IMPACT: variants seen among roughly 807,000 people sequenced by gnomAD.
The protein encoded by IMPACT is impact RWD domain protein, also known as protein IMPACT.
In IMPACT, 35 loss-of-function variants were observed where a neutral mutation model predicts 47.5. The ratio of observed to expected loss-of-function variants is 0.74; its 90% CI spans 0.56 to 0.98. The LOEUF is 0.98. Among genes scored for constraint, IMPACT ranks in the 50% least tolerant of loss-of-function variants. IMPACT has a pLI of 0.00. For synonymous variants in IMPACT, 118 were observed against 125.6 expected, an observed-to-expected ratio of 0.94 and a Z score of 0.40; for missense variants, 373 against 394.8, an observed-to-expected ratio of 0.94 and a Z score of 0.47.
chr18:24,442,353 C>T (rs1453072191), intron 6 of IMPACT, among the ~76,000 whole-genome samples: 2 of 152,078 alleles, frequency 1.3e-5, no homozygotes, highest in Admixed American at 1.3e-4. Context: ...GGGGTTTCAC[C>T]ATGTTGGCCA....
At position 24,428,904 on chromosome 18, in the gene IMPACT, A is replaced by G; in HGVS notation, c.201A>G (p.Pro67=). 1.9e-6 allele frequency: 3 copies of G among 1,610,186 alleles called. No homozygotes were observed. The highest frequency in any genetic ancestry group is 1.7e-6 in the Non-Finnish European group (2 of 1,177,510). Residue 67 remains proline (P), a synonymous_variant, in exon 3 of 11, where the codon CCA becomes CCG. Coordinates refer to ENST00000284202, the MANE Select transcript of IMPACT (RefSeq NM_018439.4). The part of the protein sequence containing the change: ...MLPNEYPGTA[P]PIYQLNAPWL... ...CGAATGAATACCCAGGTACAGCTCC[A>G]CCTATCTACCAGTTGAAGTAAGCTG...
At chr18:24,446,677 C>T (rs1253379862) in intron 8 of IMPACT, among the ~76,000 whole-genome samples, 1 of 152,144 alleles carries the variant, frequency 6.6e-6, no homozygotes, top group Non-Finnish European at 1.5e-5. Flanking sequence ...TTACTAATTT[C>T]ACATCTCTTT....
rs1164402384 is a variant in IMPACT at position 24,434,776 on chromosome 18, A to AAAATATATATAT, written c.282-3178_282-3177insAATATATATATA. 1.1e-4 allele frequency among the ~76,000 whole-genome samples: 12 copies of AAAATATATATAT among 113,996 alleles called. No homozygotes were observed. The East Asian group carries it at 2.7e-3, about 26-fold the overall frequency. 74.8% of individuals were successfully genotyped at this position (113,996 alleles called of 152,430 possible). On this transcript the variant is annotated intron_variant, in intron 4 of 10. Transcript: ENST00000284202. ...AAAACTCTGTCTCAAAAAAAAAAAA[A>AAAATATATATAT]ATATATATATATATATATATGTGTG...
At chr18:24,444,161 C>T (rs1258246945) in intron 7 of IMPACT, among the ~76,000 whole-genome samples, 2 of 152,174 alleles carry the variant, frequency 1.3e-5, no homozygotes, top group South Asian at 2.1e-4. Context: ...TTGTCCCTGG[C>T]CCTTAGTCAC....
At chr18:24,434,776 A>AAT (rs1555666476) in intron 4 of IMPACT, among the ~76,000 whole-genome samples, 1,218 of 113,982 alleles carry the variant, frequency 0.011, 72 homozygotes, top group African/African-American at 0.048. Flanking sequence ...AAAAAAAAAA[A>AAT]ATATATATAT....
intron 4 of IMPACT, among the ~76,000 whole-genome samples, chr18:24,432,317 A>G (rs1231381830): frequency 6.6e-6 from 1 of 152,214 alleles, no homozygotes; most frequent in East Asian, 1.9e-4. Flanking sequence ...TAGTAAAACA[A>G]ATAATGTTCT....
rs140866439 is a variant in IMPACT, at chr18:24,440,561, T to C, written c.433T>C (p.Cys145Arg). 91 of 1,613,286 alleles carry C rather than the reference T, an allele frequency of 5.6e-5. No homozygotes were observed. The Middle Eastern group carries it at 1.5e-3, about 26-fold the overall frequency. ...ATGTGAAGATGATCTCATTTTAGCATGTCAGCCGGAAAGTTCGCTTAAAGC... is the reference window on the plus strand; with the variant it reads ...ATGTGAAGATGATCTCATTTTAGCACGTCAGCCGGAAAGTTCGCTTAAAGC... ...VECEDDLILA[C>R]QPESSLKALD... The change falls in exon 6 of 11, where the codon TGT (cysteine) becomes CGT (arginine). Residue 145 changes from cysteine (C) to arginine (R), a missense_variant. Coordinates refer to ENST00000284202, the MANE Select transcript of IMPACT (RefSeq NM_018439.4).
At chr18:24,441,399 G>T (rs1327806936) in intron 6 of IMPACT, among the ~76,000 whole-genome samples, 2 of 152,158 alleles carry the variant, frequency 1.3e-5, no homozygotes, top group Non-Finnish European at 2.9e-5. Context: ...CGCCATGTTG[G>T]CCAGGCTGAC....
chr18:24,439,270 C>G (rs982233847), intron 5 of IMPACT, among the ~76,000 whole-genome samples: 4 of 152,106 alleles, frequency 2.6e-5, no homozygotes, highest in Admixed American at 2.6e-4. Context: ...GTGGCTTGCA[C>G]CTATAATCCC....
At chr18:24,428,086 C>T (rs1908661085) in intron 2 of IMPACT, 39 bp downstream of exon 2, 1 of 1,537,284 alleles carries the variant, frequency 6.5e-7, no homozygotes, top group Non-Finnish European at 8.8e-7. Context: ...CTTTCAGTTA[C>T]AGTATGAACT....
chr18:24,448,165 T>G lies in IMPACT; in HGVS notation c.741T>G (p.Arg247=), dbSNP rs1398587768. The G allele has an allele frequency of 1.9e-6, 3 of 1,612,476 alleles. No homozygotes were observed. Among genetic ancestry groups the G allele is most frequent in the Non-Finnish European group, 2.5e-6 (3 of 1,178,582 alleles). ...ATGGGGAAACAGCAGCTGGTGGGCG[T>G]CTTCTTCATCTCATGGAGGTAGGTG... ...EDDGETAAGG[R]LLHLMEILNV... is the part of the protein sequence containing the mutation. Residue 247 remains arginine, a synonymous_variant, in exon 9 of 11, where the codon CGT becomes CGG. Transcript: ENST00000284202.
chr18:24,442,997 A>G (rs918006762), intron 6 of IMPACT, 52 bp from the exon 7 acceptor site: 2 of 923,638 alleles, frequency 2.2e-6, no homozygotes, highest in African/African-American at 1.7e-5. Context: ...CATTTTTTTC[A>G]GTATTTGAAT....
At chr18:24,443,716 C>G (rs1909176328) in intron 7 of IMPACT, among the ~76,000 whole-genome samples, 2 of 152,194 alleles carry the variant, frequency 1.3e-5, no homozygotes, top group Admixed American at 1.3e-4. Context: ...ACCTGACTTA[C>G]TTTCCTTTGT....
At chr18:24,435,521 G>A (rs1172157517) in intron 4 of IMPACT, 1 of 152,170 alleles carries the variant, frequency 6.6e-6, no homozygotes, top group Non-Finnish European at 1.5e-5. Flanking sequence ...ATCATGGCAT[G>A]TTAGGTTTTA....
At chr18:24,446,389 C>T (rs572988346) in intron 8 of IMPACT, among the ~76,000 whole-genome samples, 1 of 152,106 alleles carries the variant, frequency 6.6e-6, no homozygotes, top group Non-Finnish European at 1.5e-5. Context: ...CTCCTGTAAG[C>T]AGTGAATTAA....
rs1335454852 is a variant in IMPACT at position 24,451,719 on chromosome 18, GAT to G, written c.*874_*875del. 1 of 152,222 alleles carries G rather than the reference GAT, an allele frequency of 6.6e-6. No homozygotes were observed. Among genetic ancestry groups the G allele is most frequent in the Non-Finnish European group, 1.5e-5 (1 of 68,056 alleles). The allele number at this position is 152,222 out of a possible 1,614,324, so 9.4% of individuals were successfully genotyped here. Reference sequence around the variant, plus strand: ...GGCAAATGGGACATTCGTAGAGTGGGATAGAGGTGGCAGAATGAACCTGGTGT... The same window carrying G: ...GGCAAATGGGACATTCGTAGAGTGGGAGAGGTGGCAGAATGAACCTGGTGT... On this transcript the variant is annotated 3_prime_UTR_variant, in exon 11 of 11. Transcript: ENST00000284202.
intron 4 of IMPACT, among the ~76,000 whole-genome samples, chr18:24,432,898 T>C (rs1165575123): frequency 2.0e-5 from 3 of 152,150 alleles, no homozygotes; most frequent in African/African-American, 4.8e-5. Flanking sequence ...TTCTTACCCA[T>C]GTACAATGTC....
In IMPACT at chr18:24,433,694, C is replaced by T. The variant is rs9963542; in HGVS notation, c.281+3310C>T. ...TTTTTTTTTTTTTTTTTTCTGAGACCGAGTCTTGCTCTGTTGCCCAGGCTG... is the reference window on the plus strand; with the variant it reads ...TTTTTTTTTTTTTTTTTTCTGAGACTGAGTCTTGCTCTGTTGCCCAGGCTG... On this transcript the variant is annotated intron_variant, in intron 4 of 10. Transcript: ENST00000284202. Among the ~76,000 whole-genome samples, 1,074 of 138,524 alleles carry T rather than the reference C, an allele frequency of 7.8e-3. 15 individuals are homozygous for T. Among genetic ancestry groups the T allele is most frequent in the African/African-American group, 0.027 (982 of 37,040 alleles). The allele number at this position is 138,524 out of a possible 152,430, so 90.9% of individuals were successfully genotyped here.
intron 6 of IMPACT, among the ~76,000 whole-genome samples, chr18:24,442,672 ATTTTATATTAGCAGCTATAAATC>A (rs1482480962): frequency 6.6e-6 from 1 of 152,180 alleles, no homozygotes; most frequent in African/African-American, 2.4e-5. Context: ...TGATAAATAA[ATTTTATATTAGCAGCTATAAATC>A]TTTGGTTTCA....
Sources: allele counts gnomAD v4.1 joint callset (sites outside exome capture counted in the v4.1 genomes callset), GRCh38; gene constraint gnomAD v4.1.1; transcripts MANE v1.5; gene names NCBI Gene and HGNC (gene_info 2026-07-23, HGNC 2026-07-21).